Variants in DIAPH3 observed in about 807,000 individuals in gnomAD.
DIAPH3 encodes the protein diaphanous related formin 3.
Under a neutral mutation model 144.3 loss-of-function variants are expected in DIAPH3, and 117 were observed. The ratio of observed to expected loss-of-function variants is 0.81; its 90% CI spans 0.70 to 0.95. The LOEUF (loss-of-function observed/expected upper bound fraction) is 0.95. Ranked by LOEUF, DIAPH3 falls within the 40% of genes least tolerant of loss-of-function variation. DIAPH3 has a pLI of 0.00. For synonymous variants in DIAPH3, 519 were observed against 488.9 expected (o/e 1.06, Z -0.81); for missense variants, 1,421 against 1,412.7 (o/e 1.01, Z -0.09).
intron 5 of DIAPH3, among the ~76,000 whole-genome samples, chr13:60,017,986 C>G (rs2053768231): frequency 6.6e-6 from 1 of 152,084 alleles, no homozygotes; most frequent in Non-Finnish European, 1.5e-5. Flanking sequence ...AACTGTTTGC[C>G]TTGTTGACAT....
At chr13:60,039,608 T>C (rs547818698) in intron 5 of DIAPH3, among the ~76,000 whole-genome samples, 2 of 152,234 alleles carry the variant, frequency 1.3e-5, no homozygotes, top group South Asian at 4.2e-4. Context: ...TCAGCCTTCC[T>C]TCATTTTTTA....
intron 22 of DIAPH3, among the ~76,000 whole-genome samples, chr13:59,851,382 T>C (rs150107862): frequency 6.8e-4 from 104 of 152,328 alleles, no homozygotes; most frequent in Non-Finnish European, 1.2e-3. Flanking sequence ...GACTCTTTTA[T>C]GTTTTTCTCA....
chr13:59,748,980 G>A (rs1251992161), intron 27 of DIAPH3, among the ~76,000 whole-genome samples: 2 of 151,978 alleles, frequency 1.3e-5, no homozygotes, highest in African/African-American at 4.8e-5. Context: ...TTAGGAGGCC[G>A]AGGTGTGTGG....
At chr13:60,010,349 C>T (rs2053158974) in intron 8 of DIAPH3, among the ~76,000 whole-genome samples, 184 bp downstream of exon 8, 1 of 151,808 alleles carries the variant, frequency 6.6e-6, no homozygotes, top group Non-Finnish European at 1.5e-5. Flanking sequence ...ACTAATAAAT[C>T]AATTAAGAGA....
chr13:59,795,908 C>T (rs998787454), intron 25 of DIAPH3, among the ~76,000 whole-genome samples: 2 of 152,180 alleles, frequency 1.3e-5, no homozygotes, highest in East Asian at 3.8e-4. Context: ...CTTGTGACCA[C>T]ATTTGTACAT....
chr13:59,674,609 A>G (rs1450025507), intron 27 of DIAPH3, among the ~76,000 whole-genome samples: 1 of 152,178 alleles, frequency 6.6e-6, no homozygotes, highest in African/African-American at 2.4e-5. Flanking sequence ...CACAGCTTCA[A>G]CTATTTCCTC....
At chr13:59,888,983 C>G (rs2045623258) in intron 20 of DIAPH3, among the ~76,000 whole-genome samples, 2 of 152,054 alleles carry the variant, frequency 1.3e-5, no homozygotes, top group Middle Eastern at 3.4e-3. Context: ...CTTTGTTTTC[C>G]TACATGTACT....
chr13:59,952,744 C>A (rs983294152), intron 17 of DIAPH3, among the ~76,000 whole-genome samples: 1 of 152,144 alleles, frequency 6.6e-6, no homozygotes, highest in Non-Finnish European at 1.5e-5. Flanking sequence ...TTAAATATTT[C>A]TACTCCCCTT....
chr13:59,897,769 A>C (rs1566484744), intron 20 of DIAPH3, among the ~76,000 whole-genome samples: 1 of 150,566 alleles, frequency 6.6e-6, no homozygotes, highest in African/African-American at 2.4e-5. Context: ...AAAAAGAATA[A>C]GAAAAAAAAA....
intron 21 of DIAPH3, 79 bp downstream of exon 21, chr13:59,879,150 T>C: frequency 6.3e-7 from 1 of 1,583,652 alleles, no homozygotes; most frequent in Non-Finnish European, 8.6e-7. Context: ...AATAAAAAAA[T>C]ATTTAAATAA....
intron 25 of DIAPH3, among the ~76,000 whole-genome samples, chr13:59,781,579 C>T (rs1410609255): frequency 2.0e-5 from 3 of 152,170 alleles, no homozygotes; most frequent in Non-Finnish European, 4.4e-5. Context: ...GGCAGTGGGA[C>T]AGAGTAGTGG....
chr13:59,757,696 G>A (rs373157970), intron 27 of DIAPH3, among the ~76,000 whole-genome samples: 1 of 152,006 alleles, frequency 6.6e-6, no homozygotes, highest in Non-Finnish European at 1.5e-5. Flanking sequence ...CACCGCGCCC[G>A]GCCTATTATG....
intron 4 of DIAPH3, among the ~76,000 whole-genome samples, chr13:60,067,263 C>T (rs1033238392): frequency 2.0e-5 from 3 of 151,430 alleles, no homozygotes; most frequent in Non-Finnish European, 4.4e-5. Context: ...CCAGCCTGAG[C>T]GACAGTGTGA....
At chr13:59,965,514 T>C (rs2049996572) in intron 17 of DIAPH3, among the ~76,000 whole-genome samples, 1 of 147,106 alleles carries the variant, frequency 6.8e-6, no homozygotes, top group Non-Finnish European at 1.5e-5. Flanking sequence ...CTGTAAAAAT[T>C]AACCAACAGA....
intron 4 of DIAPH3, among the ~76,000 whole-genome samples, chr13:60,074,455 T>C (rs1295597533): frequency 6.6e-6 from 1 of 152,188 alleles, no homozygotes; most frequent in Non-Finnish European, 1.5e-5. Flanking sequence ...GCCCTTCCTA[T>C]TCCTCTAGCT....
At chr13:59,889,234 C>T (rs779657231) in intron 20 of DIAPH3, among the ~76,000 whole-genome samples, 2 of 152,018 alleles carry the variant, frequency 1.3e-5, no homozygotes, top group Non-Finnish European at 2.9e-5. Flanking sequence ...TTTGGGGACT[C>T]CAGTTACAGG....
At chr13:60,092,963 T>C (rs2057998573) in intron 4 of DIAPH3, among the ~76,000 whole-genome samples, 2 of 152,252 alleles carry the variant, frequency 1.3e-5, no homozygotes, top group African/African-American at 2.4e-5. Flanking sequence ...TTTCTACTGA[T>C]TGCTTCTTCA....
intron 27 of DIAPH3, among the ~76,000 whole-genome samples, chr13:59,743,732 T>A (rs1738686635): frequency 6.6e-6 from 1 of 152,210 alleles, no homozygotes; most frequent in African/African-American, 2.4e-5. Context: ...GGGGAATTAA[T>A]GGGATATTTG....
chr13:59,725,935 T>C (rs923996019), intron 27 of DIAPH3, among the ~76,000 whole-genome samples: 7 of 152,344 alleles, frequency 4.6e-5, no homozygotes, highest in Middle Eastern at 3.4e-3. Flanking sequence ...TAGCATCATA[T>C]GCTTTGATGA....
Sources: allele counts gnomAD v4.1 joint callset (sites outside exome capture counted in the v4.1 genomes callset), GRCh38; gene constraint gnomAD v4.1.1; transcripts MANE v1.5; gene names NCBI Gene and HGNC (gene_info 2026-07-23, HGNC 2026-07-21).